Variants in HS6ST3 observed in about 807,000 individuals in gnomAD.
HS6ST3 encodes heparan-sulfate 6-O-sulfotransferase 3.
In HS6ST3, 12 loss-of-function variants were observed where a neutral mutation model predicts 36.7. The ratio of observed to expected loss-of-function variants is 0.33; its 90% CI spans 0.21 to 0.53. The LOEUF (loss-of-function observed/expected upper bound fraction) is 0.53. HS6ST3 is among the 20% of genes least tolerant of loss of function. The probability of loss-of-function intolerance (pLI) is 0.95; values close to 1 mark genes in which losing one functional copy is unlikely to be tolerated. For missense variants in HS6ST3, 584 were observed against 640.9 expected (o/e 0.91, Z 0.96); for synonymous variants, 240 against 257.5 (o/e 0.93, Z 0.65).
chr13:96,691,228 C>T (rs1331997146), intron 1 of HS6ST3, among the ~76,000 whole-genome samples: 3 of 152,072 alleles, frequency 2.0e-5, no homozygotes, highest in African/African-American at 7.2e-5. Context: ...TGTCACAGGG[C>T]CATGTGTAAA....
At chr13:96,204,384 A>G (rs763342600) in intron 1 of HS6ST3, among the ~76,000 whole-genome samples, 21 of 152,100 alleles carry the variant, frequency 1.4e-4, no homozygotes, top group Admixed American at 2.6e-4. Flanking sequence ...AGAGACTTAG[A>G]CTCCCATAAA....
chr13:96,503,902 G>C (rs574054849), intron 1 of HS6ST3, among the ~76,000 whole-genome samples: 1 of 152,268 alleles, frequency 6.6e-6, no homozygotes, highest in African/African-American at 2.4e-5. Flanking sequence ...GGGAGATTGA[G>C]TGTCCCATGA....
intron 1 of HS6ST3, among the ~76,000 whole-genome samples, chr13:96,277,720 G>A (rs1460291543): frequency 6.6e-6 from 1 of 151,958 alleles, no homozygotes; most frequent in Non-Finnish European, 1.5e-5. Context: ...TACAATTACC[G>A]CTATGAAAAA....
chr13:96,104,931 T>A (rs147317676), intron 1 of HS6ST3, among the ~76,000 whole-genome samples: 1 of 152,114 alleles, frequency 6.6e-6, no homozygotes. Context: ...CTTGTCTTAC[T>A]GTACTTGCCT....
chr13:96,422,326 A>T (rs2055566364), intron 1 of HS6ST3, among the ~76,000 whole-genome samples: 2 of 152,204 alleles, frequency 1.3e-5, no homozygotes, highest in Non-Finnish European at 2.9e-5. Context: ...GCATTTCTGC[A>T]AAACAGGAGA....
chr13:96,475,061 C>A (rs2055857060), intron 1 of HS6ST3, among the ~76,000 whole-genome samples: 1 of 151,608 alleles, frequency 6.6e-6, no homozygotes, highest in Admixed American at 6.6e-5. Flanking sequence ...TATTCTCTCA[C>A]CAGTGAGGCT....
chr13:96,104,537 C>G (rs1399478002), intron 1 of HS6ST3, among the ~76,000 whole-genome samples: 3 of 152,206 alleles, frequency 2.0e-5, no homozygotes, highest in Non-Finnish European at 1.5e-5. Flanking sequence ...TAGTAAATGA[C>G]TCACCTTCCA....
chr13:96,404,228 G>GA (rs1240469215), intron 1 of HS6ST3, among the ~76,000 whole-genome samples: 1 of 152,076 alleles, frequency 6.6e-6, no homozygotes, highest in Non-Finnish European at 1.5e-5. Context: ...TATTTTTGGA[G>GA]AAAAAAGCCC....
chr13:96,290,069 C>G (rs956476345), intron 1 of HS6ST3, among the ~76,000 whole-genome samples: 3 of 152,082 alleles, frequency 2.0e-5, no homozygotes, highest in African/African-American at 7.2e-5. Context: ...CCTAGCTAGC[C>G]CCCCTCTGTA....
intron 1 of HS6ST3, chr13:96,573,883 C>A: frequency 2.1e-6 from 1 of 486,224 alleles, no homozygotes; most frequent in Non-Finnish European, 4.0e-6. Context: ...GCACTGAGCC[C>A]TCTCCCCCAG....
chr13:96,318,958 A>G (rs2054990401), intron 1 of HS6ST3, among the ~76,000 whole-genome samples: 1 of 152,258 alleles, frequency 6.6e-6, no homozygotes, highest in African/African-American at 2.4e-5. Context: ...AGCTTAAAAA[A>G]AATAGCCTTA....
intron 1 of HS6ST3, among the ~76,000 whole-genome samples, chr13:96,741,521 A>C (rs577672255): frequency 5.6e-4 from 85 of 152,232 alleles, no homozygotes; most frequent in South Asian, 6.2e-4. Flanking sequence ...TACCTACTCC[A>C]ATGTGGCAAA....
At chr13:96,735,198 G>T (rs4771258) in intron 1 of HS6ST3, among the ~76,000 whole-genome samples, 71,611 of 151,432 alleles carry the variant, frequency 0.47, 17,393 homozygotes, top group African/African-American at 0.6. Context: ...AAGATTCTGG[G>T]ATGATATATG....
At chr13:96,579,022 A>G (rs1227983076) in intron 1 of HS6ST3, among the ~76,000 whole-genome samples, 1 of 152,200 alleles carries the variant, frequency 6.6e-6, no homozygotes, top group Non-Finnish European at 1.5e-5. Context: ...GCACAATTAA[A>G]TTATTTCCAC....
intron 1 of HS6ST3, among the ~76,000 whole-genome samples, chr13:96,177,189 C>T (rs539773183): frequency 7.9e-5 from 12 of 152,116 alleles, no homozygotes; most frequent in Non-Finnish European, 1.6e-4. Flanking sequence ...TAAATTAGTT[C>T]AACCATTGTG....
chr13:96,253,895 A>G (rs1237604748), intron 1 of HS6ST3, among the ~76,000 whole-genome samples: 1 of 152,208 alleles, frequency 6.6e-6, no homozygotes, highest in African/African-American at 2.4e-5. Flanking sequence ...AAGACTTTGC[A>G]AAAAGAAGGC....
At chr13:96,255,996 CT>C (rs1353473452) in intron 1 of HS6ST3, among the ~76,000 whole-genome samples, 1 of 152,202 alleles carries the variant, frequency 6.6e-6, no homozygotes, top group African/African-American at 2.4e-5. Flanking sequence ...TGATGTCTTG[CT>C]TTTGCCATGC....
intron 1 of HS6ST3, among the ~76,000 whole-genome samples, chr13:96,163,062 C>G (rs1284603334): frequency 6.6e-6 from 1 of 151,960 alleles, no homozygotes; most frequent in Non-Finnish European, 1.5e-5. Flanking sequence ...GTGGAATGAT[C>G]ATAGCTGCGA....
At chr13:96,303,780 T>C (rs1002962245) in intron 1 of HS6ST3, among the ~76,000 whole-genome samples, 2 of 152,214 alleles carry the variant, frequency 1.3e-5, no homozygotes, top group African/African-American at 4.8e-5. Flanking sequence ...TCTTTTTCAC[T>C]TTGTTTTATA....
Sources: gnomAD v4.1 joint callset for allele counts (sites outside exome capture counted in the v4.1 genomes callset) on GRCh38, gnomAD v4.1.1 for gene constraint, MANE v1.5 for transcripts, NCBI Gene and HGNC (gene_info 2026-07-23, HGNC 2026-07-21) for gene names.